The following ATXN1 variants were observed in gnomAD, a reference collection of about 807,000 sequenced individuals.
ATXN1 encodes the protein ataxin-1.
A neutral mutation model predicts 56.4 loss-of-function variants in ATXN1; 8 were observed. The ratio of observed to expected loss-of-function variants is 0.14; its 90% CI spans 0.08 to 0.26. The LOEUF is 0.26. Ranked by LOEUF, ATXN1 falls within the 10% of genes least tolerant of loss-of-function variation. The pLI is 1.00. For missense variants in ATXN1, 987 were observed against 1,106.5 expected (o/e 0.89, Z 1.53); for synonymous variants, 514 against 494.6 (o/e 1.04, Z -0.52).
At chr6:16,624,686 G>A (rs965331977) in intron 3 of ATXN1, among the ~76,000 whole-genome samples, 5 of 152,122 alleles carry the variant, frequency 3.3e-5, no homozygotes, top group Admixed American at 2.6e-4. Flanking sequence ...AGCACATACT[G>A]TGGGTGAGAA....
chr6:16,609,932 CA>C (rs1033100910), intron 3 of ATXN1, among the ~76,000 whole-genome samples: 10 of 150,332 alleles, frequency 6.7e-5, no homozygotes, highest in South Asian at 4.2e-4. Context: ...CACCAACTTA[CA>C]AAAAAAAATT....
chr6:16,714,086 C>T (rs1042420840), intron 2 of ATXN1, among the ~76,000 whole-genome samples: 9 of 150,816 alleles, frequency 6.0e-5, no homozygotes, highest in African/African-American at 2.2e-4. Context: ...ACCCAGGAGG[C>T]GGAGGTTGCA....
rs1760535367 is a variant in ATXN1, at chr6:16,485,976, T to C, written c.-165A>G. On this transcript the variant is annotated 5_prime_UTR_variant, in exon 6 of 8. The change abolishes an upstream ATG in the 5' untranslated region. Coordinates refer to ENST00000436367, the MANE Select transcript of ATXN1 (RefSeq NM_001128164.2). ...TGTTCTTGGTTGTTAACTTACAACA[T>C]TCACTGCGTACTGTTCACAGGTAGC... 6.6e-6 allele frequency: 1 copy of C among 152,204 alleles called. No homozygotes were observed. The highest frequency in any genetic ancestry group is 6.5e-5 in the Admixed American group (1 of 15,274). The allele number at this position is 152,204 out of a possible 1,614,324, so 9.4% of individuals were successfully genotyped here. A position where few individuals can be genotyped will look rare whatever the true frequency, so the allele number is the denominator to read the frequency against.
intron 3 of ATXN1, among the ~76,000 whole-genome samples, chr6:16,598,319 G>C (rs1462037588): frequency 6.6e-6 from 1 of 152,078 alleles, no homozygotes; most frequent in Non-Finnish European, 1.5e-5. Context: ...ATAATTAAGA[G>C]TTATTTCCTT....
chr6:16,351,966 A>T (rs1761579010), intron 6 of ATXN1, among the ~76,000 whole-genome samples: 1 of 152,214 alleles, frequency 6.6e-6, no homozygotes, highest in Non-Finnish European at 1.5e-5. Flanking sequence ...GCCTTTGCTA[A>T]AATATAAATA....
At chr6:16,662,083 A>T (rs1758331505) in intron 2 of ATXN1, among the ~76,000 whole-genome samples, 2 of 152,218 alleles carry the variant, frequency 1.3e-5, no homozygotes, top group African/African-American at 4.8e-5. Context: ...GACTTTTTAC[A>T]GTGGGAGAAA....
chr6:16,524,554 T>G (rs543992564), intron 4 of ATXN1, among the ~76,000 whole-genome samples: 65 of 152,352 alleles, frequency 4.3e-4, no homozygotes, highest in African/African-American at 1.4e-3. Flanking sequence ...TCCAGTTACT[T>G]AAACTCTCTG....
At chr6:16,501,481 C>T (rs902066637) in intron 5 of ATXN1, among the ~76,000 whole-genome samples, 1 of 152,106 alleles carries the variant, frequency 6.6e-6, no homozygotes, top group African/African-American at 2.4e-5. Context: ...CCTTGCCCCC[C>T]ACTCACCGAT....
At chr6:16,559,679 G>C (rs919932363) in intron 4 of ATXN1, among the ~76,000 whole-genome samples, 2 of 152,068 alleles carry the variant, frequency 1.3e-5, no homozygotes, top group Admixed American at 6.6e-5. Flanking sequence ...AGAAATAAGA[G>C]AGATGCTTAT....
In ATXN1 at chr6:16,755,601, AT is replaced by A. The variant is rs568381633; in HGVS notation, c.-729-2255del. Among the ~76,000 whole-genome samples the A allele has an allele frequency of 1.2e-3, 175 of 151,994 alleles. 1 individual carries two copies. Among genetic ancestry groups the A allele is most frequent in the African/African-American group, 4.0e-3 (165 of 41,440 alleles). On this transcript the variant is annotated intron_variant, in intron 1 of 7. Transcript: ENST00000436367. ...GCCATACACAGTGACAGAAAAATAT[AT>A]TTTCTTTGAACGTTAGAAGGATAGA...
chr6:16,438,044 C>T (rs748239755), intron 6 of ATXN1, among the ~76,000 whole-genome samples: 2 of 152,232 alleles, frequency 1.3e-5, no homozygotes, highest in Non-Finnish European at 2.9e-5. Flanking sequence ...GGGGATCAGG[C>T]ATTAGATTCT....
At chr6:16,720,045 C>G (rs1016210172) in intron 2 of ATXN1, among the ~76,000 whole-genome samples, 1 of 152,144 alleles carries the variant, frequency 6.6e-6, no homozygotes, top group Non-Finnish European at 1.5e-5. Flanking sequence ...AGCGTAAAAT[C>G]CAAGCTCCTG....
chr6:16,334,366 G>C (rs925795603), intron 6 of ATXN1, among the ~76,000 whole-genome samples: 1 of 152,024 alleles, frequency 6.6e-6, no homozygotes, highest in East Asian at 1.9e-4. Flanking sequence ...GAAAGTTTTT[G>C]TTTGACTATA....
intron 4 of ATXN1, among the ~76,000 whole-genome samples, chr6:16,560,113 T>C (rs1027058210): frequency 6.6e-6 from 1 of 152,160 alleles, no homozygotes; most frequent in African/African-American, 2.4e-5. Context: ...ATCCTCAGGA[T>C]GCAAAGAAAA....
intron 4 of ATXN1, among the ~76,000 whole-genome samples, chr6:16,545,820 G>A (rs913838556): frequency 2.0e-5 from 3 of 152,214 alleles, no homozygotes; most frequent in Non-Finnish European, 4.4e-5. Flanking sequence ...TTTAGTGAAT[G>A]CAGTTGTATG....
intron 6 of ATXN1, among the ~76,000 whole-genome samples, chr6:16,365,197 G>A (rs1761894170): frequency 6.6e-6 from 1 of 152,030 alleles, no homozygotes; most frequent in Admixed American, 6.6e-5. Context: ...TTCTTATTGA[G>A]ACAAAGTCTC....
intron 6 of ATXN1, among the ~76,000 whole-genome samples, chr6:16,342,266 T>C (rs1247697394): frequency 6.6e-6 from 1 of 151,968 alleles, no homozygotes; most frequent in African/African-American, 2.4e-5. Flanking sequence ...CCTTTAATCA[T>C]ACTTAAAATT....
At chr6:16,552,408 C>T (rs1761937366) in intron 4 of ATXN1, among the ~76,000 whole-genome samples, 1 of 152,166 alleles carries the variant, frequency 6.6e-6, no homozygotes, top group Admixed American at 6.5e-5. Context: ...TTAAAATGTC[C>T]TTCTGCTGCT....
chr6:16,750,556 T>C (rs1760679362), intron 2 of ATXN1, among the ~76,000 whole-genome samples: 1 of 152,258 alleles, frequency 6.6e-6, no homozygotes, highest in African/African-American at 2.4e-5. Context: ...ATAATGCTTA[T>C]AAGCTTTCTT....
Sources: gnomAD v4.1 joint callset for allele counts (sites outside exome capture counted in the v4.1 genomes callset) on GRCh38, gnomAD v4.1.1 for gene constraint, MANE v1.5 for transcripts, NCBI Gene and HGNC (gene_info 2026-07-23, HGNC 2026-07-21) for gene names.